CACNA2D3: variants seen among roughly 807,000 people sequenced by gnomAD.
CACNA2D3 encodes voltage-dependent calcium channel subunit alpha-2/delta-3.
A neutral mutation model predicts 160.6 loss-of-function variants in CACNA2D3; 60 were observed. The ratio of observed to expected loss-of-function variants is 0.37; its 90% CI spans 0.30 to 0.46. The LOEUF (loss-of-function observed/expected upper bound fraction) is 0.46. Ranked by LOEUF, CACNA2D3 falls within the 20% of genes least tolerant of loss-of-function variation. The probability of loss-of-function intolerance (pLI) is 1.00; values close to 1 mark genes in which losing one functional copy is unlikely to be tolerated. For missense variants in CACNA2D3, 1,205 were observed against 1,365.0 expected, an observed-to-expected ratio of 0.88 and a Z score of 1.85; for synonymous variants, 558 against 492.9, an observed-to-expected ratio of 1.13 and a Z score of -1.75.
intron 27 of CACNA2D3, among the ~76,000 whole-genome samples, chr3:54,926,702 C>G (rs1361847583): frequency 1.3e-5 from 2 of 152,174 alleles, no homozygotes; most frequent in Non-Finnish European, 2.9e-5. Flanking sequence ...GTAGCATATT[C>G]CATGGTGAGA....
At chr3:54,859,476 G>A (rs956206524) in intron 17 of CACNA2D3, among the ~76,000 whole-genome samples, 2 of 152,184 alleles carry the variant, frequency 1.3e-5, no homozygotes, top group African/African-American at 4.8e-5. Context: ...AGGCAAAGAA[G>A]GAGCTTGGCT....
At chr3:54,727,207 A>G (rs560462252) in intron 11 of CACNA2D3, among the ~76,000 whole-genome samples, 1 of 152,370 alleles carries the variant, frequency 6.6e-6, no homozygotes, top group South Asian at 2.1e-4. Context: ...CCACAATGAG[A>G]TACCATCTCA....
chr3:54,918,640 A>G (rs1312299754), intron 27 of CACNA2D3: 1 of 1,614,088 alleles, frequency 6.2e-7, no homozygotes, highest in Non-Finnish European at 8.5e-7. Context: ...GACAGTGGCA[A>G]TGGCATGACG....
At chr3:54,898,326 G>T (rs1700246958) in intron 26 of CACNA2D3, among the ~76,000 whole-genome samples, 2 of 150,314 alleles carry the variant, frequency 1.3e-5, no homozygotes, top group African/African-American at 2.4e-5. Flanking sequence ...GGGTTCAAGC[G>T]ATTCTCCTGC....
At chr3:54,257,954 A>G (rs557251281) in intron 2 of CACNA2D3, among the ~76,000 whole-genome samples, 23 of 152,360 alleles carry the variant, frequency 1.5e-4, no homozygotes, top group African/African-American at 5.5e-4. Flanking sequence ...CAAATTGACC[A>G]TTACATTGGA....
At chr3:54,592,872 T>C (rs1702887616) in intron 9 of CACNA2D3, among the ~76,000 whole-genome samples, 1 of 152,196 alleles carries the variant, frequency 6.6e-6, no homozygotes. Flanking sequence ...TTTTCCCCAG[T>C]ACTTTTCTTT....
intron 11 of CACNA2D3, among the ~76,000 whole-genome samples, chr3:54,659,359 A>T (rs1211608432): frequency 6.6e-6 from 1 of 152,096 alleles, no homozygotes; most frequent in African/African-American, 2.4e-5. Context: ...TATGAGCATC[A>T]CTTCATTGAT....
chr3:55,004,550 G>A (rs1011249174), intron 31 of CACNA2D3, among the ~76,000 whole-genome samples: 3 of 152,112 alleles, frequency 2.0e-5, no homozygotes, highest in Admixed American at 6.5e-5. Context: ...CAATACCTTC[G>A]TTCCCTTTGT....
intron 11 of CACNA2D3, among the ~76,000 whole-genome samples, chr3:54,707,164 T>C (rs532314001): frequency 5.8e-4 from 88 of 152,284 alleles, no homozygotes; most frequent in African/African-American, 2.0e-3. Flanking sequence ...GGCCGAACAA[T>C]TCATTAGGGT....
At chr3:54,178,164 G>A (rs1160918514) in intron 2 of CACNA2D3, among the ~76,000 whole-genome samples, 9 of 152,160 alleles carry the variant, frequency 5.9e-5, no homozygotes, top group Non-Finnish European at 1.2e-4. Flanking sequence ...AGGTTACTAT[G>A]TGGTCAGTTT....
chr3:54,254,603 C>G (rs1168613856), intron 2 of CACNA2D3, among the ~76,000 whole-genome samples: 2 of 152,072 alleles, frequency 1.3e-5, no homozygotes, highest in Non-Finnish European at 2.9e-5. Context: ...ATAATAATGC[C>G]TAATGCATAG....
intron 27 of CACNA2D3, chr3:54,927,964 T>C: frequency 1.3e-6 from 2 of 1,584,300 alleles, no homozygotes; most frequent in Admixed American, 1.7e-5. Context: ...TTAATTAATG[T>C]GCAGAGCAAC....
intron 31 of CACNA2D3, among the ~76,000 whole-genome samples, chr3:54,993,318 T>C (rs115042305): frequency 1.7e-3 from 256 of 152,330 alleles, no homozygotes; most frequent in African/African-American, 5.8e-3. Context: ...ATCTAGCAGA[T>C]TGCTAGTAAG....
At chr3:54,737,816 C>T (rs1701563782) in intron 11 of CACNA2D3, among the ~76,000 whole-genome samples, 1 of 152,192 alleles carries the variant, frequency 6.6e-6, no homozygotes, top group South Asian at 2.1e-4. Context: ...AGGTGTGCTT[C>T]ATCACACCCA....
intron 11 of CACNA2D3, among the ~76,000 whole-genome samples, chr3:54,694,561 AC>A (rs1176695044): frequency 2.6e-5 from 4 of 152,234 alleles, no homozygotes; most frequent in African/African-American, 9.6e-5. Flanking sequence ...GGCCTCAGGA[AC>A]AGTTAACAGG....
chr3:54,399,973 C>G (rs1333967841), intron 4 of CACNA2D3, among the ~76,000 whole-genome samples: 2 of 118,600 alleles, frequency 1.7e-5, no homozygotes, highest in African/African-American at 6.7e-5. Context: ...GTAGGACCCT[C>G]TGAGCCAGGT....
intron 4 of CACNA2D3, among the ~76,000 whole-genome samples, chr3:54,409,208 A>G (rs1290777260): frequency 6.6e-6 from 1 of 152,148 alleles, no homozygotes; most frequent in East Asian, 1.9e-4. Flanking sequence ...TCTTTGTGTC[A>G]CACTTTGGTA....
intron 11 of CACNA2D3, among the ~76,000 whole-genome samples, chr3:54,703,864 A>G (rs1399068824): frequency 6.6e-6 from 1 of 152,178 alleles, no homozygotes; most frequent in East Asian, 1.9e-4. Context: ...AGAGAGCCGC[A>G]TTTGTTTGTA....
chr3:55,005,015 C>G (rs1194262778), intron 32 of CACNA2D3, among the ~76,000 whole-genome samples, 177 bp downstream of exon 32: 1 of 151,696 alleles, frequency 6.6e-6, no homozygotes, highest in East Asian at 1.9e-4. Flanking sequence ...GCAGCTCATG[C>G]CCGTAATCCC....
Sources: allele counts gnomAD v4.1 joint callset (sites outside exome capture counted in the v4.1 genomes callset), GRCh38; gene constraint gnomAD v4.1.1; transcripts MANE v1.5; gene names NCBI Gene and HGNC (gene_info 2026-07-23, HGNC 2026-07-21).